CMSS1: variants seen among roughly 807,000 people sequenced by gnomAD.
CMSS1 encodes protein CMSS1.
CMSS1 carries 33 observed loss-of-function variants against 43.5 expected under a neutral mutation model. The observed-to-expected ratio is 0.76, with a 90% CI of 0.57 to 1.01. CMSS1 has a LOEUF of 1.01. Among genes scored for constraint, CMSS1 ranks in the 50% least tolerant of loss-of-function variants. The pLI is 0.00. For missense variants in CMSS1, 313 were observed against 326.4 expected, an observed-to-expected ratio of 0.96 and a Z score of 0.32; for synonymous variants, 115 against 117.2, an observed-to-expected ratio of 0.98 and a Z score of 0.12.
At chr3:100,090,325 T>C (rs1440004234) in intron 1 of CMSS1, among the ~76,000 whole-genome samples, 2 of 152,238 alleles carry the variant, frequency 1.3e-5, no homozygotes, top group African/African-American at 2.4e-5. Context: ...CTGAAAATAA[T>C]TGAAAACACC....
intron 1 of CMSS1, among the ~76,000 whole-genome samples, chr3:99,959,601 G>A (rs569943922): frequency 1.1e-4 from 17 of 152,244 alleles, no homozygotes; most frequent in Middle Eastern, 3.4e-3. Flanking sequence ...TTCTTTAGCA[G>A]TCTGATAAAT....
At chr3:100,140,696 T>C (rs1229676561) in intron 1 of CMSS1, among the ~76,000 whole-genome samples, 1 of 152,018 alleles carries the variant, frequency 6.6e-6, no homozygotes, top group African/African-American at 2.4e-5. Context: ...AGGAGCAAGG[T>C]TGTTCGCTAG....
intron 1 of CMSS1, among the ~76,000 whole-genome samples, chr3:100,118,992 C>T (rs1420429852): frequency 6.6e-6 from 1 of 151,828 alleles, no homozygotes; most frequent in Admixed American, 6.6e-5. Flanking sequence ...TTTTTTGTTT[C>T]GTTTTTTGTT....
intron 1 of CMSS1, among the ~76,000 whole-genome samples, chr3:99,919,992 T>C (rs2452321): frequency 0.29 from 44,216 of 152,056 alleles, 6,773 homozygotes; most frequent in Admixed American, 0.35. Context: ...TTCTTTGTGG[T>C]GTTTGAGAAG....
chr3:99,929,792 A>G (rs1707417356), intron 1 of CMSS1: 1 of 1,230,502 alleles, frequency 8.1e-7, no homozygotes, highest in South Asian at 1.5e-5. Flanking sequence ...GTTACAGATC[A>G]TGCTCATCTG....
At position 99,817,942 on chromosome 3, in the gene CMSS1, A is replaced by T. The variant is rs1247225387; in HGVS notation, c.-38A>T. The T allele has an allele frequency of 6.2e-7, 1 of 1,608,910 alleles. No individual in the cohort carries two copies. Among genetic ancestry groups the T allele is most frequent in the Admixed American group, 1.7e-5 (1 of 59,998 alleles). ...CGTGATTCTCCGCAGCTGGTCGCCT[A>T]CCCGTGATGTTCTGCCCACGTCGAG... is the stretch of plus-strand genomic sequence containing the variant. On this transcript the variant is annotated 5_prime_UTR_variant, in exon 1 of 10. Coordinates refer to ENST00000421999, the MANE Select transcript of CMSS1 (RefSeq NM_032359.4).
intron 1 of CMSS1, among the ~76,000 whole-genome samples, chr3:99,934,536 T>G (rs537869857): frequency 1.3e-5 from 2 of 152,350 alleles, no homozygotes; most frequent in Admixed American, 6.5e-5. Flanking sequence ...CTGCTGCTAA[T>G]CAATGAGAAT....
At chr3:100,170,171 A>G (rs2067098438) in intron 6 of CMSS1, among the ~76,000 whole-genome samples, 1 of 152,240 alleles carries the variant, frequency 6.6e-6, no homozygotes, top group Non-Finnish European at 1.5e-5. Flanking sequence ...GCTTATGTGT[A>G]AGTAAAAACT....
intron 1 of CMSS1, chr3:99,876,297 G>A: frequency 1.3e-6 from 1 of 788,376 alleles, no homozygotes; most frequent in Non-Finnish European, 1.5e-6. Flanking sequence ...GGCCGCGGCG[G>A]CGGCGCAGCC....
At chr3:99,888,491 C>T (rs1207159325) in intron 1 of CMSS1, among the ~76,000 whole-genome samples, 1 of 152,116 alleles carries the variant, frequency 6.6e-6, no homozygotes, top group Non-Finnish European at 1.5e-5. Flanking sequence ...CAGGCTACAA[C>T]AAACAAAACA....
At chr3:99,832,012 T>C (rs1168224851) in intron 1 of CMSS1, among the ~76,000 whole-genome samples, 1 of 152,230 alleles carries the variant, frequency 6.6e-6, no homozygotes, top group Admixed American at 6.5e-5. Flanking sequence ...TGAGCAACAC[T>C]GATACGTGTT....
intron 1 of CMSS1, among the ~76,000 whole-genome samples, chr3:100,025,128 T>C (rs1181713440): frequency 6.6e-6 from 1 of 152,188 alleles, no homozygotes; most frequent in Non-Finnish European, 1.5e-5. Context: ...CCGTAAGATT[T>C]CCCAATTCTG....
At chr3:100,166,935 A>G (rs1362292439) in intron 5 of CMSS1, among the ~76,000 whole-genome samples, 2 of 151,686 alleles carry the variant, frequency 1.3e-5, no homozygotes, top group Non-Finnish European at 2.9e-5. Context: ...TTTGGTAGAG[A>G]CAGGGTCTTT....
At chr3:100,129,580 C>T (rs2066690252) in intron 1 of CMSS1, among the ~76,000 whole-genome samples, 1 of 152,272 alleles carries the variant, frequency 6.6e-6, no homozygotes, top group Admixed American at 6.5e-5. Context: ...TAAGTTTGGG[C>T]TTGAAAATTA....
At chr3:99,903,407 A>G (rs1706505005) in intron 1 of CMSS1, among the ~76,000 whole-genome samples, 1 of 151,924 alleles carries the variant, frequency 6.6e-6, no homozygotes, top group Admixed American at 6.6e-5. Context: ...GCCTGCCACC[A>G]CACCCAGCTA....
chr3:99,987,567 A>T (rs1277062562), intron 1 of CMSS1, among the ~76,000 whole-genome samples: 1 of 151,760 alleles, frequency 6.6e-6, no homozygotes, highest in Non-Finnish European at 1.5e-5. Flanking sequence ...AAAAATATTT[A>T]AGTGCAAGAG....
chr3:100,012,566 G>C (rs570818002), intron 1 of CMSS1, among the ~76,000 whole-genome samples: 3 of 152,180 alleles, frequency 2.0e-5, no homozygotes, highest in Admixed American at 2.0e-4. Context: ...GGAAGGCTGG[G>C]AGAGGTTCTA....
chr3:100,023,158 C>T (rs1236675501), intron 1 of CMSS1, among the ~76,000 whole-genome samples: 1 of 152,198 alleles, frequency 6.6e-6, no homozygotes, highest in Non-Finnish European at 1.5e-5. Flanking sequence ...CCTTCTGGCC[C>T]AGACCAGGTG....
intron 1 of CMSS1, among the ~76,000 whole-genome samples, chr3:100,081,556 G>A (rs565146175): frequency 2.0e-5 from 3 of 152,258 alleles, no homozygotes; most frequent in East Asian, 1.9e-4. Flanking sequence ...AGATTCTTTG[G>A]TTGGGAATAA....
Sources: gnomAD v4.1 joint callset for allele counts (sites outside exome capture counted in the v4.1 genomes callset) on GRCh38, gnomAD v4.1.1 for gene constraint, MANE v1.5 for transcripts, NCBI Gene and HGNC (gene_info 2026-07-23, HGNC 2026-07-21) for gene names.